ADCY4: variants seen among roughly 807,000 people sequenced by gnomAD.
ADCY4 encodes the protein adenylate cyclase 4, also known as adenylate cyclase type 4.
Under a neutral mutation model 125.5 loss-of-function variants are expected in ADCY4, and 111 were observed. That is an observed-to-expected ratio of 0.88 (90% CI 0.76 to 1.04). The LOEUF (loss-of-function observed/expected upper bound fraction) is 1.04. ADCY4 is among the 50% of genes least tolerant of loss of function. ADCY4 has a pLI of 0.00. For synonymous variants in ADCY4, 576 were observed against 586.9 expected (o/e 0.98, Z 0.27); for missense variants, 1,256 against 1,382.9 (o/e 0.91, Z 1.46).
Position 24,319,605 on chromosome 14 carries a change from G to C in ADCY4, c.2733+137C>G. 7.8e-7 allele frequency: 1 copy of C among 1,275,358 alleles called. No homozygotes were observed. The allele number at this position is 1,275,358 out of a possible 1,614,324, so 79.0% of individuals were successfully genotyped here. On this transcript the variant is annotated intron_variant, in intron 21 of 24. Transcript: ENST00000418030. This position sits in a 1 kb window ranked among gnomAD's most constrained non-coding sequence, Gnocchi z 4.5. ...CAGTGTTGCTGGAGTGGGTAGATCTGGGGGATCAGAGGAGGTGAGGGAGTA... is the reference window on the plus strand; with the variant it reads ...CAGTGTTGCTGGAGTGGGTAGATCTCGGGGATCAGAGGAGGTGAGGGAGTA...
Position 24,331,097 on chromosome 14 carries a change from C to T in ADCY4, c.851G>A (p.Arg284Gln), listed in dbSNP as rs752323670. ...CTTAGGGGAACACTCGCTGGCCAGC[C>T]GCGTGAAGCCCACGATGTCAGCATA... ...VLYADIVGFT[R>Q]LASECSPKEL... Residue 284 changes from arginine to glutamine, a missense_variant, in exon 6 of 25, where the codon CGG (arginine) becomes CAG (glutamine). Physicochemically the swap from Arg to Gln is conservative, Grantham distance 43. Coordinates refer to ENST00000418030, the MANE Select transcript of ADCY4 (RefSeq NM_001198568.2). The T allele has an allele frequency of 4.3e-6, 7 of 1,613,348 alleles. No homozygotes were observed. Among genetic ancestry groups the T allele is most frequent in the East Asian group, 2.2e-5 (1 of 44,854 alleles).
rs76088023 is a variant in ADCY4 at position 24,326,075 on chromosome 14, G to A, written c.1655+4C>T. On this transcript the variant is annotated splice_donor_region_variant and intron_variant, in intron 12 of 24. Coordinates refer to ENST00000418030, the MANE Select transcript of ADCY4 (RefSeq NM_001198568.2). ...GCCCCCCCAGCCCTCTTTGTTCTCC[G>A]TACTTCTGCGAGTTGAGCTGCTCAA... 2.4e-4 allele frequency: 370 copies of A among 1,573,904 alleles called. 1 individual carries two copies. Among genetic ancestry groups the A allele is most frequent in the Non-Finnish European group, 3.0e-4 (343 of 1,158,036 alleles).
rs1388989655 is a variant in ADCY4 at position 24,324,148 on chromosome 14, C to T, written c.1960G>A (p.Gly654Ser). 1.9e-6 allele frequency: 3 copies of T among 1,614,144 alleles called. No individual in the cohort carries two copies. Among genetic ancestry groups the T allele is most frequent in the Admixed American group, 1.7e-5 (1 of 60,012 alleles). The change falls in exon 16 of 25, where the codon GGC (glycine) becomes AGC (serine). Residue 654 changes from glycine to serine, a missense_variant. Physicochemically the swap from Gly to Ser is moderately conservative, Grantham distance 56. Coordinates refer to ENST00000418030, the MANE Select transcript of ADCY4 (RefSeq NM_001198568.2). ...AGTCCTGGTCGTGTGGCCACCAGGCCAGACAGTGCAGGCAGCCAGTGCAGC... is the reference window on the plus strand; with the variant it reads ...AGTCCTGGTCGTGTGGCCACCAGGCTAGACAGTGCAGGCAGCCAGTGCAGC... ...KMLHWLPALSGLVATRPGLRI... is the reference protein window; with the variant it reads ...KMLHWLPALSSLVATRPGLRI...
At chr14:24,326,430 A>C in intron 10 of ADCY4, 88 bp from the exon 11 acceptor site, 1 of 1,499,240 alleles carries the variant, frequency 6.7e-7, no homozygotes, top group Non-Finnish European at 9.3e-7. Flanking sequence ...TGCTCTATAC[A>C]TGTCTTTGAC....
At chr14:24,322,320 C>A in intron 19 of ADCY4, 96 bp from the exon 20 acceptor site, 1 of 1,360,388 alleles carries the variant, frequency 7.4e-7, no homozygotes, top group South Asian at 1.4e-5. Flanking sequence ...TGAAACCACC[C>A]CCACCCCACC....
Position 24,318,626 on chromosome 14 carries a change from C to G in ADCY4, c.3081+28G>C, listed in dbSNP as rs375782299. Reference sequence around the variant, plus strand: ...GTGGCCCTATTCTTAGTCCCCCTCCCCCTATGCCTCCAATGTGGTTCCCTC... The same window carrying G: ...GTGGCCCTATTCTTAGTCCCCCTCCGCCTATGCCTCCAATGTGGTTCCCTC... On this transcript the variant is annotated intron_variant, in intron 24 of 24. Coordinates refer to ENST00000418030, the MANE Select transcript of ADCY4 (RefSeq NM_001198568.2). 2.7e-4 allele frequency: 428 copies of G among 1,613,968 alleles called. 1 individual carries two copies. The highest frequency in any genetic ancestry group is 3.5e-4 in the Non-Finnish European group (412 of 1,179,984).
rs1258330317 is a variant in ADCY4, at chr14:24,332,648, A to G, written c.393T>C (p.Tyr131=). ...CCCGCATGCCCAAGGGCAGCATGGC[A>G]TACGCCGTGAAGATGACGAAGAGAA... ...SYFLFVIFTA[Y]AMLPLGMRDA... Residue 131 remains tyrosine, a synonymous_variant, in exon 3 of 25, where the codon TAT becomes TAC. Coordinates refer to ENST00000418030, the MANE Select transcript of ADCY4 (RefSeq NM_001198568.2). 1 of 1,588,040 alleles carries G rather than the reference A, an allele frequency of 6.3e-7. No individual in the cohort carries two copies.
Position 24,326,056 on chromosome 14 carries a change from C to G in ADCY4, c.1655+23G>C, listed in dbSNP as rs759127811. On this transcript the variant is annotated intron_variant, in intron 12 of 24. Transcript: ENST00000418030. ...TATGACCTCAGGGCCTGCGGCCCCC[C>G]CAGCCCTCTTTGTTCTCCGTACTTC... 5.1e-6 allele frequency: 8 copies of G among 1,568,546 alleles called. No individual in the cohort carries two copies. The Admixed American group carries it at 5.4e-5, about 11-fold the overall frequency.
chr14:24,323,858 ACATTCACCG>A, intron 16 of ADCY4, among the ~76,000 whole-genome samples, 195 bp downstream of exon 16: 1 of 152,320 alleles, frequency 6.6e-6, no homozygotes, highest in Admixed American at 6.5e-5. Flanking sequence ...GATAAGAAGG[ACATTCACCG>A]AAGTGTTATC....
intron 20 of ADCY4, among the ~76,000 whole-genome samples, chr14:24,321,537 T>G (rs554172969): frequency 6.6e-6 from 1 of 152,344 alleles, no homozygotes; most frequent in East Asian, 1.9e-4. Flanking sequence ...TATATTACTT[T>G]TAATGGCAAA....
chr14:24,331,725 G>A (rs1371946874), intron 4 of ADCY4, 63 bp downstream of exon 4: 8 of 1,456,516 alleles, frequency 5.5e-6, no homozygotes, highest in Non-Finnish European at 7.3e-6. Context: ...GAGGAGCCCC[G>A]TTATGTAATC....
Position 24,324,046 on chromosome 14 carries a change from C to A in ADCY4, c.2046+16G>T, listed in dbSNP as rs779715478. The A allele has an allele frequency of 3.7e-6, 6 of 1,612,246 alleles. No homozygotes were observed. The highest frequency in any genetic ancestry group is 1.3e-5 in the African/African-American group (1 of 75,018). On this transcript the variant is annotated intron_variant, in intron 16 of 24. Coordinates refer to ENST00000418030, the MANE Select transcript of ADCY4 (RefSeq NM_001198568.2). ...CATGCCCTCATGGGGGTGGATAGGG[C>A]CCCCTCTGTCCTCACCAGGCTGGTA...
rs1305238509 is a variant in ADCY4 at position 24,332,967 on chromosome 14, A to G, written c.181T>C (p.Phe61Leu). 3 of 1,554,474 alleles carry G rather than the reference A, an allele frequency of 1.9e-6. No individual in the cohort carries two copies. The highest frequency in any genetic ancestry group is 1.7e-6 in the Non-Finnish European group (2 of 1,147,120). ...SGRELTSDPSFLTTVLCALGG... is the reference protein window; with the variant it reads ...SGRELTSDPSLLTTVLCALGG... ...AGCGCGCACAGCACAGTGGTCAGGAAGCTCGGGTCTGAGGTCAGCTCCTGT... is the reference window on the plus strand; with the variant it reads ...AGCGCGCACAGCACAGTGGTCAGGAGGCTCGGGTCTGAGGTCAGCTCCTGT... The change falls in exon 2 of 25, where the codon TTC becomes CTC. Residue 61 changes from phenylalanine (F) to leucine (L), a missense_variant. Coordinates refer to ENST00000418030, the MANE Select transcript of ADCY4 (RefSeq NM_001198568.2).
At chr14:24,322,369 G>T in intron 19 of ADCY4, 145 bp from the exon 20 acceptor site, 1 of 965,068 alleles carries the variant, frequency 1.0e-6, no homozygotes, top group Non-Finnish European at 1.5e-6. Context: ...AAGTATACTT[G>T]GAGAGAGACT....
At chr14:24,329,658 T>G (rs1159254497) in intron 8 of ADCY4, 125 bp from the exon 9 acceptor site, 1 of 1,428,182 alleles carries the variant, frequency 7.0e-7, no homozygotes, top group Non-Finnish European at 9.2e-7. Context: ...CGTTCCTGGA[T>G]GTCTGACTTC....
At position 24,318,676 on chromosome 14, in the gene ADCY4, G is replaced by A; in HGVS notation, c.3059C>T (p.Thr1020Ile). The change falls in exon 24 of 25, where the codon ACA becomes ATA. Residue 1020 changes from threonine (T) to isoleucine (I), a missense_variant. By Grantham distance (89) the Thr-to-Ile change is moderately conservative. Coordinates refer to ENST00000418030, the MANE Select transcript of ADCY4 (RefSeq NM_001198568.2). ...TVNVASRMESTGVLGKIQVTE... is the reference protein window; with the variant it reads ...TVNVASRMESIGVLGKIQVTE... ...CACTTGGATTTTGCCAAGGACTCCT[G>A]TACTCTCCATGCGGCTGGCCACGTT... 1.2e-6 allele frequency: 2 copies of A among 1,614,138 alleles called. No individual in the cohort carries two copies. The highest frequency in any genetic ancestry group is 1.7e-6 in the Non-Finnish European group (2 of 1,180,018).
Position 24,319,628 on chromosome 14 carries a change from G to A in ADCY4, c.2733+114C>T, listed in dbSNP as rs377569777. 11 of 1,382,522 alleles carry A rather than the reference G, an allele frequency of 8.0e-6. No homozygotes were observed. Among genetic ancestry groups the A allele is most frequent in the Non-Finnish European group, 8.1e-6 (8 of 986,926 alleles). The allele number at this position is 1,382,522 out of a possible 1,614,324, so 85.6% of individuals were successfully genotyped here. A position where few individuals can be genotyped will look rare whatever the true frequency, so the allele number is the denominator to read the frequency against. On this transcript the variant is annotated intron_variant, in intron 21 of 24. Coordinates refer to ENST00000418030, the MANE Select transcript of ADCY4 (RefSeq NM_001198568.2). This position sits in a 1 kb window ranked among gnomAD's most constrained non-coding sequence, Gnocchi z 4.5. ...CTGGGGGATCAGAGGAGGTGAGGGAGTACTGTGGAGGGGAGGATTGACTTC... is the reference window on the plus strand; with the variant it reads ...CTGGGGGATCAGAGGAGGTGAGGGAATACTGTGGAGGGGAGGATTGACTTC...
chr14:24,330,082 G>C (rs1187188674), intron 7 of ADCY4, 64 bp from the exon 8 acceptor site: 3 of 1,597,742 alleles, frequency 1.9e-6, no homozygotes, highest in Non-Finnish European at 2.6e-6. Context: ...AGACACCCCA[G>C]ATTCTCACAA....
chr14:24,331,647 G>A, intron 4 of ADCY4, 141 bp downstream of exon 4: 1 of 1,250,894 alleles, frequency 8.0e-7, no homozygotes, highest in Non-Finnish European at 1.1e-6. Context: ...TCTAAGATGG[G>A]CAATACCCAC....
Sources: gnomAD v4.1 joint callset for allele counts (sites outside exome capture counted in the v4.1 genomes callset) on GRCh38, gnomAD v4.1.1 for gene constraint, Gnocchi (gnomAD v3.1) non-coding constraint, MANE v1.5 for transcripts, NCBI Gene and HGNC (gene_info 2026-07-23, HGNC 2026-07-21) for gene names.